Variants in SOS1 observed in about 807,000 individuals in gnomAD.
The protein encoded by SOS1 is son of sevenless homolog 1.
SOS1 carries 25 observed loss-of-function variants against 157.6 expected under a neutral mutation model. The ratio of observed to expected loss-of-function variants is 0.16; its 90% CI spans 0.12 to 0.22. The LOEUF (loss-of-function observed/expected upper bound fraction) is 0.22. SOS1 is among the 10% of genes least tolerant of loss of function. The probability of loss-of-function intolerance (pLI) is 1.00; values close to 1 mark genes in which losing one functional copy is unlikely to be tolerated. For synonymous variants in SOS1, 528 were observed against 534.0 expected, an observed-to-expected ratio of 0.99 and a Z score of 0.16; for missense variants, 1,237 against 1,599.1, an observed-to-expected ratio of 0.77 and a Z score of 3.86.
intron 17 of SOS1, among the ~76,000 whole-genome samples, chr2:38,998,466 G>C (rs1668975805): frequency 6.6e-6 from 1 of 152,090 alleles, no homozygotes; most frequent in South Asian, 2.1e-4. Context: ...GGCCAGGCTG[G>C]TCTCAAACTC....
At chr2:39,079,770 G>A (rs963163777) in intron 1 of SOS1, among the ~76,000 whole-genome samples, 2 of 152,166 alleles carry the variant, frequency 1.3e-5, no homozygotes, top group African/African-American at 2.4e-5. Flanking sequence ...TGGGATTACA[G>A]GCATGAGCCA....
intron 6 of SOS1, among the ~76,000 whole-genome samples, chr2:39,041,707 C>T (rs1255006228): frequency 6.6e-6 from 1 of 152,164 alleles, no homozygotes; most frequent in South Asian, 2.1e-4. Flanking sequence ...ATGGTTCCAA[C>T]TTCATTCATT....
In SOS1 at chr2:39,098,340, G is replaced by T. The variant is rs115594876; in HGVS notation, c.87+21996C>A. On this transcript the variant is annotated intron_variant, in intron 1 of 22. Coordinates refer to ENST00000402219, the MANE Select transcript of SOS1 (RefSeq NM_005633.4). ...TGTTGCTTACAATACTTTTCCTTGAGATTTTTCTGGAAGCATGTCTCCTTT... is the reference window on the plus strand; with the variant it reads ...TGTTGCTTACAATACTTTTCCTTGATATTTTTCTGGAAGCATGTCTCCTTT... 645 of 256,970 alleles carry T rather than the reference G, an allele frequency of 2.5e-3. 9 individuals carry two copies. Among genetic ancestry groups the T allele is most frequent in the African/African-American group, 0.014 (610 of 43,778 alleles). The allele number at this position is 256,970 out of a possible 1,614,324, so 15.9% of individuals were successfully genotyped here.
rs1329641866 is a variant in SOS1, at chr2:39,120,336, CT to C, written c.86del (p.Lys29ArgfsTer23). 1.2e-5 allele frequency: 19 copies of C among 1,583,018 alleles called. No homozygotes were observed. Among genetic ancestry groups the C allele is most frequent in the East Asian group, 9.4e-5 (4 of 42,728 alleles). ...WRGLLVPALK[K>X]VQGQVHPTLE... Reference sequence around the variant, plus strand: ...AAGCGGGGTCCCGCGTGCTCCTCACCTTTTTCAGCGCAGGCACCAGTAGTCC... The same window carrying C: ...AAGCGGGGTCCCGCGTGCTCCTCACCTTTTCAGCGCAGGCACCAGTAGTCC... On this transcript the variant is annotated frameshift_variant and splice_region_variant, in exon 1 of 23. Transcript: ENST00000402219. LOFTEE classifies it high-confidence loss of function.
Position 39,098,203 on chromosome 2 carries a change from G to T in SOS1, c.87+22133C>A, listed in dbSNP as rs745833497. 2.1e-4 allele frequency: 44 copies of T among 211,044 alleles called. No homozygotes were observed. In the Middle Eastern group the frequency reaches 2.9e-3, roughly 14 times the overall value. The allele number at this position is 211,044 out of a possible 1,614,324, so 13.1% of individuals were successfully genotyped here. A position where few individuals can be genotyped will look rare whatever the true frequency, so the allele number is the denominator to read the frequency against. Reference sequence around the variant, plus strand: ...CATCTTTAAATGAGAAGTAATCCTTGTTGTCTAGAACTACTTTGGTGCCTA... The same window carrying T: ...CATCTTTAAATGAGAAGTAATCCTTTTTGTCTAGAACTACTTTGGTGCCTA... On this transcript the variant is annotated intron_variant, in intron 1 of 22. Transcript: ENST00000402219.
At position 39,111,231 on chromosome 2, in the gene SOS1, T is replaced by A. The variant is rs539397771; in HGVS notation, c.87+9105A>T. ...CTGGGAGACAGAGCAAGACTCCATC[T>A]CAAAAAAAAATAATAATAATAAGAT... is the stretch of plus-strand genomic sequence containing the variant. On this transcript the variant is annotated intron_variant, in intron 1 of 22. Transcript: ENST00000402219. Among the ~76,000 whole-genome samples the A allele has an allele frequency of 6.6e-5, 10 of 151,794 alleles. No homozygotes were observed. In the South Asian group the frequency reaches 1.9e-3, roughly 28 times the overall value.
chr2:39,040,082 G>A (rs1007369041), intron 6 of SOS1, among the ~76,000 whole-genome samples: 1 of 151,928 alleles, frequency 6.6e-6, no homozygotes, highest in African/African-American at 2.4e-5. Context: ...CGTGACCTCG[G>A]CTCACTGCAA....
intron 6 of SOS1, among the ~76,000 whole-genome samples, chr2:39,038,498 G>C (rs986964003): frequency 2.0e-5 from 3 of 151,956 alleles, no homozygotes; most frequent in African/African-American, 7.2e-5. Flanking sequence ...CACTTTGGGA[G>C]GCCAAGGCAG....
At chr2:39,059,354 G>A (rs893539147) in intron 2 of SOS1, among the ~76,000 whole-genome samples, 8 of 152,196 alleles carry the variant, frequency 5.3e-5, no homozygotes, top group South Asian at 2.1e-4. Flanking sequence ...ATAGTCATTC[G>A]TTTTTAACAA....
intron 1 of SOS1, among the ~76,000 whole-genome samples, chr2:39,098,629 C>G (rs747875716): frequency 2.0e-5 from 3 of 152,204 alleles, no homozygotes. Flanking sequence ...GTGGCTCACG[C>G]CTGTAATCCC....
chr2:39,117,576 C>A (rs1673700912), intron 1 of SOS1, among the ~76,000 whole-genome samples: 1 of 152,164 alleles, frequency 6.6e-6, no homozygotes, highest in Non-Finnish European at 1.5e-5. Context: ...GCTGTTAATT[C>A]TATGCTAAAA....
intron 4 of SOS1, among the ~76,000 whole-genome samples, chr2:39,055,652 G>C (rs934703727): frequency 1.3e-5 from 2 of 152,118 alleles, no homozygotes; most frequent in Admixed American, 6.5e-5. Context: ...TAATTTAGTG[G>C]AATCAGCAAT....
chr2:39,017,658 C>A (rs560827546), intron 10 of SOS1, among the ~76,000 whole-genome samples: 3 of 151,876 alleles, frequency 2.0e-5, no homozygotes, highest in Non-Finnish European at 4.4e-5. Context: ...TAAGTACTTT[C>A]AAAAAATATC....
chr2:39,067,525 T>C (rs1294016697), intron 2 of SOS1, 103 bp downstream of exon 2: 1 of 1,023,250 alleles, frequency 9.8e-7, no homozygotes, highest in Non-Finnish European at 1.6e-6. Flanking sequence ...CATTTTCTTA[T>C]ATACCATATA....
At chr2:39,027,933 C>T (rs1471010803) in intron 8 of SOS1, among the ~76,000 whole-genome samples, 2 of 151,612 alleles carry the variant, frequency 1.3e-5, no homozygotes, top group Non-Finnish European at 2.9e-5. Flanking sequence ...CAGGTTCAAG[C>T]GATTCTCCTA....
chr2:39,068,693 A>ATT (rs748917181), intron 1 of SOS1, among the ~76,000 whole-genome samples: 17 of 145,882 alleles, frequency 1.2e-4, no homozygotes, highest in African/African-American at 3.0e-4. Context: ...CATTTCTTTA[A>ATT]TTTTTTTTTT....
At chr2:39,007,603 T>C (rs1669322222) in intron 15 of SOS1, 1 of 173,880 alleles carries the variant, frequency 5.8e-6, no homozygotes, top group African/African-American at 2.4e-5. Context: ...GCTCAATTTC[T>C]TTCTTTCATA....
chr2:38,995,382 T>G lies in SOS1; in HGVS notation c.3087A>C (p.Lys1029Asn). Residue 1029 changes from lysine to asparagine, a missense_variant, in exon 20 of 23, where the codon AAA becomes AAC. Lys to Asn is a moderately conservative substitution (Grantham distance 94). Coordinates refer to ENST00000402219, the MANE Select transcript of SOS1 (RefSeq NM_005633.4). ...RNPKPLPRFP[K>N]KYSYPLKSPG... ...GAGATTTTAGGGGATAGCTATATTT[T>G]TTTGGCTGTAGACATATCAAAAGAA... is the stretch of plus-strand genomic sequence containing the variant. 6.2e-7 allele frequency: 1 copy of G among 1,613,230 alleles called. No homozygotes were observed. Among genetic ancestry groups the G allele is most frequent in the Non-Finnish European group, 8.5e-7 (1 of 1,179,346 alleles).
intron 2 of SOS1, among the ~76,000 whole-genome samples, chr2:39,059,380 T>C (rs1224384270): frequency 8.5e-5 from 13 of 152,220 alleles, no homozygotes; most frequent in Non-Finnish European, 1.3e-4. Flanking sequence ...TTCAATTTAA[T>C]TTCCAGAAAT....
Sources: gnomAD v4.1 joint callset for allele counts (sites outside exome capture counted in the v4.1 genomes callset) on GRCh38, gnomAD v4.1.1 for gene constraint, MANE v1.5 for transcripts, NCBI Gene and HGNC (gene_info 2026-07-23, HGNC 2026-07-21) for gene names.